The following ENOX2 variants were observed in gnomAD, a reference collection of about 807,000 sequenced individuals.
ENOX2 encodes ecto-NOX disulfide-thiol exchanger 2.
A neutral mutation model predicts 45.0 loss-of-function variants in ENOX2; 36 were observed. The ratio of observed to expected loss-of-function variants is 0.80; its 90% confidence interval spans 0.61 to 1.06. The LOEUF (loss-of-function observed/expected upper bound fraction) is 1.06. Ranked by LOEUF, ENOX2 falls within the 50% of genes least tolerant of loss-of-function variation. The probability of loss-of-function intolerance (pLI) is 0.00; values close to 1 mark genes in which losing one functional copy is unlikely to be tolerated. For synonymous variants in ENOX2, 174 were observed against 152.3 expected (o/e 1.14, Z -1.05); for missense variants, 423 against 462.5 (o/e 0.91, Z 0.78).
chrX:130,858,132 T>C (rs1041697355), intron 2 of ENOX2, among the ~76,000 whole-genome samples: 154 of 106,593 alleles, frequency 1.4e-3, no homozygotes, highest in African/African-American at 5.1e-3. Context: ...TTTTTTTTTT[T>C]TAGACGGAGT....
chrX:130,713,705 G>A (rs1388155450), intron 3 of ENOX2, among the ~76,000 whole-genome samples: 1 of 110,124 alleles, frequency 9.1e-6, no homozygotes. Context: ...CTAATATTTA[G>A]GTAAAGAACA....
At chrX:130,834,890 T>C (rs1054567412) in intron 2 of ENOX2, among the ~76,000 whole-genome samples, 3 of 111,778 alleles carry the variant, frequency 2.7e-5, no homozygotes, top group Non-Finnish European at 5.7e-5. Flanking sequence ...CAAAGGGTAA[T>C]TTTATGAAAA....
intron 13 of ENOX2, among the ~76,000 whole-genome samples, chrX:130,629,100 G>A (rs982391495): frequency 1.8e-5 from 2 of 112,019 alleles, no homozygotes; most frequent in Non-Finnish European, 3.8e-5. Context: ...AAAGGGGTAA[G>A]TTGGGGAAGG....
At chrX:130,665,356 G>A (rs2036804778) in intron 9 of ENOX2, among the ~76,000 whole-genome samples, 2 of 112,075 alleles carry the variant, frequency 1.8e-5, no homozygotes, top group Non-Finnish European at 3.8e-5. Context: ...CCCAAGACTA[G>A]CTCGCTAAGA....
At chrX:130,671,082 C>T (rs905166934) in intron 6 of ENOX2, among the ~76,000 whole-genome samples, 1 of 111,045 alleles carries the variant, frequency 9.0e-6, no homozygotes, top group African/African-American at 3.3e-5. Flanking sequence ...AAGTGGCTTG[C>T]CCTGGGTCAG....
rs1049560931 is a variant in ENOX2, at chrX:130,903,181, C to G, written c.-363G>C. ...CCACTCTCTTCCGAAATGCCCGCCT[C>G]GCGCTTCCAGGCCTAGACCCGGCAC... On this transcript the variant is annotated 5_prime_UTR_variant, in exon 1 of 15. Transcript: ENST00000394363. 47 of 113,079 alleles carry G rather than the reference C, an allele frequency of 4.2e-4. No individual in the cohort carries two copies. The highest frequency in any genetic ancestry group is 1.2e-3 in the African/African-American group (36 of 31,074). 9.3% of individuals were successfully genotyped at this position (113,079 alleles called of 1,213,427 possible). A position where few individuals can be genotyped will look rare whatever the true frequency, so the allele number is the denominator to read the frequency against.
intron 2 of ENOX2, among the ~76,000 whole-genome samples, chrX:130,900,487 T>C (rs1048442888): frequency 1.8e-5 from 2 of 112,140 alleles, no homozygotes; most frequent in African/African-American, 6.5e-5. Flanking sequence ...TCTTTGCAAA[T>C]CAGCCCCAAC....
intron 2 of ENOX2, among the ~76,000 whole-genome samples, chrX:130,826,565 T>C (rs1055682651): frequency 9.0e-6 from 1 of 111,694 alleles, no homozygotes; most frequent in Non-Finnish European, 1.9e-5. Flanking sequence ...TTGGCTTGGG[T>C]CCAGACATCA....
Position 130,815,351 on chromosome X carries a change from C to G in ENOX2, c.-182-31661G>C, listed in dbSNP as rs771205383. Among the ~76,000 whole-genome samples, 24 of 112,124 alleles carry G rather than the reference C, an allele frequency of 2.1e-4. 1 individual carries two copies. The highest frequency in any genetic ancestry group is 7.5e-4 in the African/African-American group (23 of 30,847). On this transcript the variant is annotated intron_variant, in intron 2 of 14. Coordinates refer to ENST00000394363, the MANE Select transcript of ENOX2 (RefSeq NM_006375.4). The stretch of plus-strand genomic sequence containing the variant: ...CAGGATATTATCCAGGAGAACTTCT[C>G]CAACCTAGCAAGACAGGCCAACACT...
intron 2 of ENOX2, among the ~76,000 whole-genome samples, chrX:130,810,503 C>A (rs1235295459): frequency 1.8e-5 from 2 of 111,969 alleles, no homozygotes; most frequent in African/African-American, 6.5e-5. Context: ...CTGCCCAGTG[C>A]CAGGCCAGCT....
In ENOX2 at chrX:130,703,119, C is replaced by A. The variant is rs745479413; in HGVS notation, c.97+1G>T. On this transcript the variant is annotated splice_donor_variant, in intron 4 of 14. Transcript: ENST00000394363. LOFTEE classifies it high-confidence loss of function. Reference sequence around the variant, plus strand: ...TTGCGAGGTGATTAAAAATAACATACCAGGTAAAATTGGTTGTCCGGCAAT... The same window carrying A: ...TTGCGAGGTGATTAAAAATAACATAACAGGTAAAATTGGTTGTCCGGCAAT... 2 of 1,204,414 alleles carry A rather than the reference C, an allele frequency of 1.7e-6. No homozygotes were observed. Among genetic ancestry groups the A allele is most frequent in the South Asian group, 1.8e-5 (1 of 55,327 alleles).
chrX:130,707,380 T>C (rs1355006941), intron 3 of ENOX2, among the ~76,000 whole-genome samples: 1 of 111,554 alleles, frequency 9.0e-6, no homozygotes, highest in Non-Finnish European at 1.9e-5. Flanking sequence ...GATTTGGAAG[T>C]GATCATCTAC....
rs756702507 is a variant in ENOX2 at position 130,667,711 on chromosome X, G to T, written c.726C>A (p.Thr242=). The T allele has an allele frequency of 5.8e-6, 7 of 1,204,477 alleles. No homozygotes were observed. The highest frequency in any genetic ancestry group is 6.7e-6 in the Non-Finnish European group (6 of 890,810). ...DDSKFSEAVQ[T]LLTWIERGEV... ...CTCCTCGCTCTATCCAGGTAAGCAA[G>T]GTCTGTACAGCTTCTGAGAATTTGG... Residue 242 remains threonine, a synonymous_variant, in exon 8 of 15, where the codon ACC becomes ACA. Coordinates refer to ENST00000394363, the MANE Select transcript of ENOX2 (RefSeq NM_006375.4).
In ENOX2 at chrX:130,795,410, TA is replaced by T. The variant is rs199654147; in HGVS notation, c.-182-11721del. The stretch of plus-strand genomic sequence containing the variant: ...AACAACTCCTACCATTGCTGTTGTA[TA>T]AAAAAAAAGTAGGATCTTAATTTTG... On this transcript the variant is annotated intron_variant, in intron 2 of 14. Coordinates refer to ENST00000394363, the MANE Select transcript of ENOX2 (RefSeq NM_006375.4). Among the ~76,000 whole-genome samples, 6 of 110,235 alleles carry T rather than the reference TA, an allele frequency of 5.4e-5. No individual in the cohort carries two copies. In the South Asian group the frequency reaches 1.5e-3, roughly 28 times the overall value.
intron 2 of ENOX2, among the ~76,000 whole-genome samples, chrX:130,786,148 G>C (rs1397441842): frequency 8.9e-6 from 1 of 112,625 alleles, no homozygotes; most frequent in Non-Finnish European, 1.9e-5. Context: ...TCCTTAATTG[G>C]ATGGGGGTAG....
chrX:130,710,529 C>A (rs766492224), intron 3 of ENOX2, among the ~76,000 whole-genome samples: 1 of 111,580 alleles, frequency 9.0e-6, no homozygotes, highest in Non-Finnish European at 1.9e-5. Context: ...GCTAAACATC[C>A]TACAATGTAC....
At chrX:130,725,357 T>C (rs73229068) in intron 3 of ENOX2, among the ~76,000 whole-genome samples, 13,867 of 106,039 alleles carry the variant, frequency 0.13, 914 homozygotes, top group Non-Finnish European at 0.2. Context: ...TGTCTTCTGC[T>C]TGAGTGAAGA....
intron 2 of ENOX2, among the ~76,000 whole-genome samples, chrX:130,785,619 G>C (rs898779002): frequency 9.0e-6 from 1 of 111,581 alleles, no homozygotes; most frequent in Non-Finnish European, 1.9e-5. Flanking sequence ...AACATCAATT[G>C]CTATGTACTA....
intron 6 of ENOX2, among the ~76,000 whole-genome samples, chrX:130,677,140 A>C (rs1415830990): frequency 8.9e-6 from 1 of 111,834 alleles, no homozygotes; most frequent in Admixed American, 9.5e-5. Flanking sequence ...GACTTGGTCC[A>C]AAAGCTACCT....
Sources: gnomAD v4.1 joint callset for allele counts (sites outside exome capture counted in the v4.1 genomes callset) on GRCh38, gnomAD v4.1.1 for gene constraint, MANE v1.5 for transcripts, NCBI Gene and HGNC (gene_info 2026-07-23, HGNC 2026-07-21) for gene names.